The following ABCA1 variants were observed in gnomAD, a reference collection of about 807,000 sequenced individuals.
The protein encoded by ABCA1 is phospholipid-transporting ATPase ABCA1.
In ABCA1, 133 loss-of-function variants were observed where a neutral mutation model predicts 262.5. The ratio of observed to expected loss-of-function variants is 0.51; its 90% CI spans 0.44 to 0.59. The LOEUF is 0.59. Ranked by LOEUF, ABCA1 falls within the 20% of genes least tolerant of loss-of-function variation. ABCA1 has a pLI of 0.00. For synonymous variants in ABCA1, 1,022 were observed against 1,043.5 expected (o/e 0.98, Z 0.40); for missense variants, 2,452 against 2,777.5 (o/e 0.88, Z 2.63).
At chr9:104,901,794 CAGACAAGTTACTTAACCTCTCTGAGT>C (rs1417518558) in intron 2 of ABCA1, among the ~76,000 whole-genome samples, 1 of 152,196 alleles carries the variant, frequency 6.6e-6, no homozygotes, top group East Asian at 1.9e-4. Flanking sequence ...GTGTGGACCT[CAGACAAGTTACTTAACCTCTCTGAGT>C]AGCACGTTCC....
intron 34 of ABCA1, among the ~76,000 whole-genome samples, chr9:104,801,631 T>C: frequency 6.6e-6 from 1 of 151,962 alleles, no homozygotes; most frequent in East Asian, 1.9e-4. Flanking sequence ...AACCTCTTCC[T>C]ACAGGGTTCA....
intron 32 of ABCA1, among the ~76,000 whole-genome samples, chr9:104,803,670 T>G (rs377387124): frequency 1.3e-4 from 20 of 152,212 alleles, no homozygotes; most frequent in African/African-American, 4.1e-4. Flanking sequence ...TGCAATGGCA[T>G]GAACTCAGCT....
At chr9:104,907,870 C>T (rs918633866) in intron 1 of ABCA1, among the ~76,000 whole-genome samples, 1 of 152,220 alleles carries the variant, frequency 6.6e-6, no homozygotes, top group South Asian at 2.1e-4. Context: ...AAGTGGATCA[C>T]TCCTTGCCAA....
At chr9:104,830,644 C>T (rs1031925064) in intron 14 of ABCA1, among the ~76,000 whole-genome samples, 4 of 151,492 alleles carry the variant, frequency 2.6e-5, no homozygotes, top group African/African-American at 9.7e-5. Flanking sequence ...GAGCCGAGAT[C>T]GAGCCACTGC....
At chr9:104,885,107 G>A (rs1157583704) in intron 3 of ABCA1, among the ~76,000 whole-genome samples, 1 of 152,172 alleles carries the variant, frequency 6.6e-6, no homozygotes, top group Non-Finnish European at 1.5e-5. Context: ...TTGGTGGCAG[G>A]CGCCTGTAAT....
At chr9:104,864,053 T>C (rs916130081) in intron 5 of ABCA1, among the ~76,000 whole-genome samples, 3 of 152,152 alleles carry the variant, frequency 2.0e-5, no homozygotes, top group Non-Finnish European at 2.9e-5. Flanking sequence ...TTAAGGAACA[T>C]TGTTTTACTT....
chr9:104,786,312 C>T lies in ABCA1; in HGVS notation c.6387G>A (p.Gln2129=). 6.2e-7 allele frequency: 1 copy of T among 1,613,854 alleles called. No individual in the cohort carries two copies. Among genetic ancestry groups the T allele is most frequent in the Non-Finnish European group, 8.5e-7 (1 of 1,179,800 alleles). ...NGRFRCLGSV[Q]HLKNRFGDGY... ...ATCTTTATTACCTATTTTTTAGATGCTGGACACTGCCAAGGCACCTGAACC... is the reference window on the plus strand; with the variant it reads ...ATCTTTATTACCTATTTTTTAGATGTTGGACACTGCCAAGGCACCTGAACC... The change falls in exon 48 of 50, where the codon CAG becomes CAA. Residue 2129 remains glutamine, a synonymous_variant. Transcript: ENST00000374736.
chr9:104,787,920 C>G lies in ABCA1; in HGVS notation c.6204G>C (p.Leu2068=), dbSNP rs947401662. ...ALIGGPPVVF[L]DEPTTGMDPK... ...GTTTTCCATCCACAGTTATACTCAC[C>G]AGAAACACCACAGGAGGCCCGCCGA... Residue 2068 remains leucine (L), a splice_region_variant and synonymous_variant, in exon 46 of 50, where the codon CTG becomes CTC. Coordinates refer to ENST00000374736, the MANE Select transcript of ABCA1 (RefSeq NM_005502.4). The G allele has an allele frequency of 1.5e-5, 25 of 1,613,904 alleles. No homozygotes were observed. Among genetic ancestry groups the G allele is most frequent in the Non-Finnish European group, 1.9e-5 (23 of 1,179,934 alleles).
chr9:104,832,905 C>T lies in ABCA1; in HGVS notation c.1312-134G>A, dbSNP rs1249302590. ...AGAAAACTGAGGTAAATGACAGTGT[C>T]CCTATTTTATATGTGAGAAGACTGA... is the stretch of plus-strand genomic sequence containing the variant. On this transcript the variant is annotated intron_variant, in intron 11 of 49. Coordinates refer to ENST00000374736, the MANE Select transcript of ABCA1 (RefSeq NM_005502.4). 8 of 822,558 alleles carry T rather than the reference C, an allele frequency of 9.7e-6. No individual in the cohort carries two copies. In the East Asian group the frequency reaches 2.1e-4, roughly 22 times the overall value. 51.0% of individuals were successfully genotyped at this position (822,558 alleles called of 1,614,324 possible).
At chr9:104,883,625 C>G (rs7040990) in intron 4 of ABCA1, among the ~76,000 whole-genome samples, 8,695 of 152,124 alleles carry the variant, frequency 0.057, 738 homozygotes, top group African/African-American at 0.18. Context: ...ATCTTTATAC[C>G]AATGCAGTCA....
chr9:104,831,769 G>T lies in ABCA1; in HGVS notation c.1568C>A (p.Ser523Tyr). ...IATEVWLINK[S>Y]MELLDERKFW... ...CTTCCTCTCATCCAGCAGCTCCATG[G>T]ACTTGTTGATGAGCCAGACTTCTGT... Residue 523 changes from serine to tyrosine, a missense_variant, in exon 13 of 50, where the codon TCC (serine) becomes TAC (tyrosine). Ser to Tyr is a moderately radical substitution (Grantham distance 144). This residue lies in a region of ABCA1 where 1,032 missense variants were observed against 1,089.7 expected (regional missense o/e 0.95). Coordinates refer to ENST00000374736, the MANE Select transcript of ABCA1 (RefSeq NM_005502.4). 6.2e-7 allele frequency: 1 copy of T among 1,614,180 alleles called. No individual in the cohort carries two copies. Among genetic ancestry groups the T allele is most frequent in the Non-Finnish European group, 8.5e-7 (1 of 1,180,040 alleles).
At chr9:104,854,118 A>G (rs1306704841) in intron 7 of ABCA1, among the ~76,000 whole-genome samples, 2 of 152,224 alleles carry the variant, frequency 1.3e-5, no homozygotes, top group Non-Finnish European at 2.9e-5. Context: ...TACTCAACCC[A>G]CTTGTGGGAG....
intron 14 of ABCA1, among the ~76,000 whole-genome samples, chr9:104,829,873 A>G (rs1833109441): frequency 6.6e-6 from 1 of 152,024 alleles, no homozygotes; most frequent in Non-Finnish European, 1.5e-5. Flanking sequence ...CCATACAAGG[A>G]AACACACTAT....
intron 4 of ABCA1, 122 bp from the exon 5 acceptor site, chr9:104,883,279 C>A: frequency 1.2e-6 from 1 of 829,804 alleles, no homozygotes; most frequent in East Asian, 2.4e-5. Flanking sequence ...ACAGGCTGGC[C>A]CTAACCCACT....
chr9:104,915,035 A>G (rs1339967614), intron 1 of ABCA1, among the ~76,000 whole-genome samples: 1 of 152,212 alleles, frequency 6.6e-6, no homozygotes, highest in African/African-American at 2.4e-5. Flanking sequence ...GCACTGGTAA[A>G]GAGCCTTGAA....
chr9:104,834,212 ACAATAACAATATAG>A (rs1435321477), intron 11 of ABCA1, among the ~76,000 whole-genome samples: 1 of 149,826 alleles, frequency 6.7e-6, no homozygotes, highest in Non-Finnish European at 1.5e-5. Flanking sequence ...CCAATTTCTC[ACAATAACAATATAG>A]CAATAACATT....
In ABCA1 at chr9:104,819,576, C is replaced by T. The variant is rs1232994788; in HGVS notation, c.3241+10G>A. The T allele has an allele frequency of 3.7e-6, 6 of 1,614,132 alleles. No homozygotes were observed. The highest frequency in any genetic ancestry group is 2.2e-5 in the East Asian group (1 of 44,884). ...AGTCCATTTACTCAGAATAAATACA[C>T]ATCAGGCACCTTGTCGGTATTTCAG... On this transcript the variant is annotated intron_variant, in intron 22 of 49. Coordinates refer to ENST00000374736, the MANE Select transcript of ABCA1 (RefSeq NM_005502.4).
In ABCA1 at chr9:104,781,776, C is replaced by G. The variant is rs772120549; in HGVS notation, c.*2539G>C. 2.6e-5 allele frequency: 4 copies of G among 152,634 alleles called. No homozygotes were observed. The East Asian group carries it at 5.8e-4, about 22-fold the overall frequency. 9.5% of individuals were successfully genotyped at this position (152,634 alleles called of 1,614,324 possible). ...AGATGCAAAAGCAGAAATTTTTGAA[C>G]ACGTATTTTGAGAATTTCTGAAACT... On this transcript the variant is annotated 3_prime_UTR_variant, in exon 50 of 50. Transcript: ENST00000374736.
At position 104,787,652 on chromosome 9, in the gene ABCA1, A is replaced by T. The variant is rs531142728; in HGVS notation, c.6204+268T>A. 2.2e-4 allele frequency among the ~76,000 whole-genome samples: 33 copies of T among 152,360 alleles called. No individual in the cohort carries two copies. The South Asian group carries it at 6.8e-3, about 32-fold the overall frequency. On this transcript the variant is annotated intron_variant, in intron 46 of 49. Coordinates refer to ENST00000374736, the MANE Select transcript of ABCA1 (RefSeq NM_005502.4). The stretch of plus-strand genomic sequence containing the variant: ...CAAAGATGATTAGAAAGAATGTTCC[A>T]GAGAAAGATCAAATCACATATCCAG...
Sources: gnomAD v4.1 joint callset for allele counts (sites outside exome capture counted in the v4.1 genomes callset) on GRCh38, gnomAD v4.1.1 for gene constraint, gnomAD v4.1.1 regional missense constraint, MANE v1.5 for transcripts, NCBI Gene and HGNC (gene_info 2026-07-23, HGNC 2026-07-21) for gene names.